The following GLI1 variants were observed in gnomAD, a reference collection of about 807,000 sequenced individuals.
The protein encoded by GLI1 is transcription activator GLI1.
GLI1 carries 51 observed loss-of-function variants against 87.8 expected under a neutral mutation model. That is an observed-to-expected ratio of 0.58 (90% CI 0.46 to 0.73). The LOEUF is 0.73. GLI1 is among the 30% of genes least tolerant of loss of function. The pLI, the probability that GLI1 is intolerant of heterozygous loss-of-function variation, is 0.00. For missense variants in GLI1, 1,292 were observed against 1,437.2 expected (o/e 0.90, Z 1.63); for synonymous variants, 528 against 558.2 (o/e 0.95, Z 0.76).
In GLI1 at chr12:57,465,128, C is replaced by A. The variant is rs1298522895; in HGVS notation, c.407C>A (p.Pro136Gln). The change falls in exon 5 of 12, where the codon CCA becomes CAA. Residue 136 changes from proline to glutamine, a missense_variant. This residue lies in a region of GLI1 where 383 missense variants were observed against 368.4 expected (regional missense o/e 1.04). Coordinates refer to ENST00000228682, the MANE Select transcript of GLI1 (RefSeq NM_005269.3). ...IGTMSPSLGF[P>Q]AQMNHQKGPS... ...CTCCTCAGCCCATCTCTGGGATTCC[C>A]AGCCCAGATGAATCACCAAAAAGGG... The A allele has an allele frequency of 1.2e-6, 2 of 1,613,922 alleles. No individual in the cohort carries two copies. Among genetic ancestry groups the A allele is most frequent in the African/African-American group, 2.7e-5 (2 of 74,934 alleles).
chr12:57,469,347 C>A, intron 10 of GLI1, 84 bp from the exon 11 acceptor site: 1 of 1,372,430 alleles, frequency 7.3e-7, no homozygotes, highest in Non-Finnish European at 1.0e-6. Flanking sequence ...CCCCAGCAGT[C>A]ACTGGGACAC....
At chr12:57,464,996 C>T in intron 4 of GLI1, 115 bp from the exon 5 acceptor site, 1 of 1,265,400 alleles carries the variant, frequency 7.9e-7, no homozygotes, top group Admixed American at 1.7e-5. Flanking sequence ...CTCAGTACTT[C>T]CCTGGGACTG....
rs780905505 is a variant in GLI1 at position 57,471,417 on chromosome 12, C to G, written c.2677C>G (p.Leu893Val). 1 of 1,613,886 alleles carries G rather than the reference C, an allele frequency of 6.2e-7. No individual in the cohort carries two copies. Among genetic ancestry groups the G allele is most frequent in the East Asian group, 2.2e-5 (1 of 44,876 alleles). Reference protein sequence around the residue: ...FDSPTHSTGQLKAQLVCNYVQ... With the variant: ...FDSPTHSTGQVKAQLVCNYVQ... The stretch of plus-strand genomic sequence containing the variant: ...TTCCCCCACCCATTCCACAGGGCAG[C>G]TCAAGGCTCAGCTTGTGTGTAATTA... The change falls in exon 12 of 12, where the codon CTC (leucine) becomes GTC (valine). Residue 893 changes from leucine (L) to valine (V), a missense_variant. Coordinates refer to ENST00000228682, the MANE Select transcript of GLI1 (RefSeq NM_005269.3). This position sits in a 1 kb window ranked among gnomAD's most constrained non-coding sequence, Gnocchi z 4.9.
chr12:57,463,104 C>G (rs973600765), intron 1 of GLI1, among the ~76,000 whole-genome samples: 1 of 152,110 alleles, frequency 6.6e-6, no homozygotes, highest in African/African-American at 2.4e-5. Context: ...AAGCTCCCAC[C>G]CAGGCAAAGC....
At chr12:57,467,049 C>T (rs904915144) in intron 8 of GLI1, among the ~76,000 whole-genome samples, 6 of 152,162 alleles carry the variant, frequency 3.9e-5, no homozygotes, top group African/African-American at 1.2e-4. Flanking sequence ...AAGATGACCC[C>T]ATCTTGGGAC....
intron 1 of GLI1, among the ~76,000 whole-genome samples, chr12:57,461,195 G>A (rs1399296579): frequency 6.6e-6 from 1 of 152,188 alleles, no homozygotes; most frequent in Non-Finnish European, 1.5e-5. Flanking sequence ...GGGTTTTAGG[G>A]GTCTGGAGAG....
intron 9 of GLI1, among the ~76,000 whole-genome samples, 196 bp downstream of exon 9, chr12:57,467,693 C>A (rs1178038729): frequency 6.6e-6 from 1 of 152,142 alleles, no homozygotes; most frequent in Non-Finnish European, 1.5e-5. Flanking sequence ...AACCTCTAAC[C>A]AGCCAAAAGG....
In GLI1 at chr12:57,460,038, C is replaced by A. The variant is rs983764569; in HGVS notation, c.-191C>A. 1 of 107,470 alleles carries A rather than the reference C, an allele frequency of 9.3e-6. No individual in the cohort carries two copies. Among genetic ancestry groups the A allele is most frequent in the African/African-American group, 3.6e-5 (1 of 27,874 alleles). 6.7% of individuals were successfully genotyped at this position (107,470 alleles called of 1,614,324 possible). ...TCGCGGGTGGTCCGGGCTTGCGGCCCGGCGGGCTGGGCCGGCGGGAGGGCT... is the reference window on the plus strand; with the variant it reads ...TCGCGGGTGGTCCGGGCTTGCGGCCAGGCGGGCTGGGCCGGCGGGAGGGCT... On this transcript the variant is annotated 5_prime_UTR_variant, in exon 1 of 12. Transcript: ENST00000228682.
At chr12:57,466,419 C>G (rs1282930384) in intron 8 of GLI1, 30 bp downstream of exon 8, 1 of 1,581,764 alleles carries the variant, frequency 6.3e-7, no homozygotes, top group South Asian at 1.1e-5. Flanking sequence ...AGTCCAGGGT[C>G]TCTTCCTAAA....
rs1314946688 is a variant in GLI1, at chr12:57,465,662, G to C, written c.590G>C (p.Gly197Ala). 75 of 1,614,102 alleles carry C rather than the reference G, an allele frequency of 4.6e-5. No individual in the cohort carries two copies. The highest frequency in any genetic ancestry group is 6.0e-5 in the Non-Finnish European group (71 of 1,180,026). ...AAGTGCCGGGAGGAACCCTTGGAAG[G>C]TGATATGTCCAGCCCCAACTCCACA... ...VGKCREEPLEGDMSSPNSTGI... is the reference protein window; with the variant it reads ...VGKCREEPLEADMSSPNSTGI... The change falls in exon 6 of 12, where the codon GGT becomes GCT. Residue 197 changes from glycine to alanine, a missense_variant. Physicochemically the swap from Gly to Ala is moderately conservative, Grantham distance 60. This residue lies in a region of GLI1 where 383 missense variants were observed against 368.4 expected (regional missense o/e 1.04). Coordinates refer to ENST00000228682, the MANE Select transcript of GLI1 (RefSeq NM_005269.3).
At chr12:57,470,261 G>C in intron 11 of GLI1, 56 bp from the exon 12 acceptor site, 1 of 1,345,400 alleles carries the variant, frequency 7.4e-7, no homozygotes, top group Non-Finnish European at 1.0e-6. Flanking sequence ...GGAGGAGGCA[G>C]GGTGAAATTT....
Position 57,471,036 on chromosome 12 carries a change from T to C in GLI1, c.2296T>C (p.Cys766Arg), listed in dbSNP as rs201271317. The change falls in exon 12 of 12, where the codon TGT becomes CGT. Residue 766 changes from cysteine (C) to arginine (R), a missense_variant. Cys to Arg is a radical substitution (Grantham distance 180). Transcript: ENST00000228682. The surrounding 1 kb of genome is among the most constrained non-coding windows in gnomAD (Gnocchi z 4.9). ...GPPTNYGPNP[C>R]PQQASYPDPT... is the part of the protein sequence containing the mutation. ...ACCCACCAACTATGGCCCCAACCCC[T>C]GTCCCCAGCAGGCCTCATATCCTGA... 8.7e-6 allele frequency: 14 copies of C among 1,610,706 alleles called. No homozygotes were observed. Among genetic ancestry groups the C allele is most frequent in the Non-Finnish European group, 1.2e-5 (14 of 1,178,232 alleles).
rs1304673813 is a variant in GLI1, at chr12:57,467,431, C to G, written c.1011C>G (p.Gly337=). 1 of 1,612,962 alleles carries G rather than the reference C, an allele frequency of 6.2e-7. No individual in the cohort carries two copies. The highest frequency in any genetic ancestry group is 1.7e-5 in the Admixed American group (1 of 59,988). ...AGCCATACATGTGTGAGCACGAGGG[C>G]TGCAGTAAAGCCTTCAGCAATGCCA... ...GEKPYMCEHE[G]CSKAFSNASD... The change falls in exon 9 of 12, where the codon GGC becomes GGG. Residue 337 remains glycine, a synonymous_variant. Transcript: ENST00000228682.
chr12:57,471,039 C>A lies in GLI1; in HGVS notation c.2299C>A (p.Pro767Thr), dbSNP rs752553799. The A allele has an allele frequency of 2.5e-6, 4 of 1,610,348 alleles. No homozygotes were observed. The Admixed American group carries it at 6.7e-5, about 27-fold the overall frequency. Residue 767 changes from proline (P) to threonine (T), a missense_variant, in exon 12 of 12, where the codon CCC becomes ACC. By Grantham distance (38) the Pro-to-Thr change is conservative. Around this residue, in one of 3 missense-constraint regions of GLI1, gnomAD observed 897 missense variants for 1,040.7 expected, o/e 0.86. Coordinates refer to ENST00000228682, the MANE Select transcript of GLI1 (RefSeq NM_005269.3). The surrounding 1 kb of genome is among the most constrained non-coding windows in gnomAD (Gnocchi z 4.9). Reference sequence around the variant, plus strand: ...CACCAACTATGGCCCCAACCCCTGTCCCCAGCAGGCCTCATATCCTGACCC... The same window carrying A: ...CACCAACTATGGCCCCAACCCCTGTACCCAGCAGGCCTCATATCCTGACCC... ...PPTNYGPNPC[P>T]QQASYPDPTQ...
In GLI1 at chr12:57,472,088, A is replaced by G. The variant is rs1391367853; in HGVS notation, c.*27A>G. On this transcript the variant is annotated 3_prime_UTR_variant, in exon 12 of 12. Transcript: ENST00000228682. ...GAGTAGGGAATCTCATCCATCACAGATCGCATTTCCTAAGGGGTTTCTATC... is the reference window on the plus strand; with the variant it reads ...GAGTAGGGAATCTCATCCATCACAGGTCGCATTTCCTAAGGGGTTTCTATC... The G allele has an allele frequency of 7.0e-7, 1 of 1,424,058 alleles. No individual in the cohort carries two copies. The highest frequency in any genetic ancestry group is 9.4e-7 in the Non-Finnish European group (1 of 1,064,622). 88.2% of individuals were successfully genotyped at this position (1,424,058 alleles called of 1,614,324 possible). A position where few individuals can be genotyped will look rare whatever the true frequency, so the allele number is the denominator to read the frequency against.
Position 57,468,087 on chromosome 12 carries a change from G to A in GLI1, c.1171G>A (p.Ala391Thr), listed in dbSNP as rs764631331. 51 of 1,613,894 alleles carry A rather than the reference G, an allele frequency of 3.2e-5. No homozygotes were observed. Among genetic ancestry groups the A allele is most frequent in the East Asian group, 4.5e-5 (2 of 44,898 alleles). Residue 391 changes from alanine (A) to threonine (T), a missense_variant, in exon 10 of 12, where the codon GCC (alanine) becomes ACC (threonine). Around this residue, in one of 3 missense-constraint regions of GLI1, gnomAD observed 897 missense variants for 1,040.7 expected, o/e 0.86. Transcript: ENST00000228682. Reference sequence around the variant, plus strand: ...TGTCAAGACAGTGCATGGTCCTGACGCCCATGTGACCAAACGGCACCGTGG... The same window carrying A: ...TGTCAAGACAGTGCATGGTCCTGACACCCATGTGACCAAACGGCACCGTGG... ...KHVKTVHGPD[A>T]HVTKRHRGDG...
In GLI1 at chr12:57,471,905, G is replaced by GC. The variant is rs1489072730; in HGVS notation, c.3169dup (p.Gln1057ProfsTer10). 3 of 1,611,300 alleles carry GC rather than the reference G, an allele frequency of 1.9e-6. No individual in the cohort carries two copies. Among genetic ancestry groups the GC allele is most frequent in the Non-Finnish European group, 2.5e-6 (3 of 1,178,512 alleles). ...TGGACTTTGTGGCTATTCTGGATGA[G>GC]CCCCAGGGGCTGAGTCCTCCTCCTT... On this transcript the variant is annotated frameshift_variant, in exon 12 of 12. Transcript: ENST00000228682. LOFTEE classifies it high-confidence loss of function. This position sits in a 1 kb window ranked among gnomAD's most constrained non-coding sequence, Gnocchi z 4.9.
intron 1 of GLI1, among the ~76,000 whole-genome samples, chr12:57,462,259 C>G (rs1357555289): frequency 1.3e-5 from 2 of 150,306 alleles, no homozygotes; most frequent in Non-Finnish European, 1.5e-5. Context: ...GTTGGGAGGT[C>G]TTGGATGCGG....
Position 57,468,763 on chromosome 12 carries a change from C to CT in GLI1, c.1308+548dup, listed in dbSNP as rs958764598. On this transcript the variant is annotated intron_variant, in intron 10 of 11. Coordinates refer to ENST00000228682, the MANE Select transcript of GLI1 (RefSeq NM_005269.3). ...CCAATGCATCCAACCCAAACTCTTT[C>CT]TTTTTTTTTCAGACGGAGTCTCGCT... Among the ~76,000 whole-genome samples, 33 of 151,242 alleles carry CT rather than the reference C, an allele frequency of 2.2e-4. No individual in the cohort carries two copies. In the East Asian group the frequency reaches 6.0e-3, roughly 28 times the overall value.
Sources: allele counts gnomAD v4.1 joint callset (sites outside exome capture counted in the v4.1 genomes callset), GRCh38; gene constraint gnomAD v4.1.1; regional missense constraint gnomAD v4.1.1; non-coding constraint Gnocchi (gnomAD v3.1); transcripts MANE v1.5; gene names NCBI Gene and HGNC (gene_info 2026-07-23, HGNC 2026-07-21).